EGFR: variants seen among roughly 807,000 people sequenced by gnomAD.
The protein encoded by EGFR is avian erythroblastic leukemia viral (v-erb-b) oncogene homolog.
Under a neutral mutation model 143.0 loss-of-function variants are expected in EGFR, and 58 were observed. The observed-to-expected ratio is 0.41, with a 90% CI of 0.33 to 0.50. The LOEUF (loss-of-function observed/expected upper bound fraction) is 0.50. EGFR is among the 20% of genes least tolerant of loss of function. The pLI is 0.39. For missense variants in EGFR, 1,307 were observed against 1,579.0 expected (o/e 0.83, Z 2.92); for synonymous variants, 613 against 594.4 (o/e 1.03, Z -0.45).
At chr7:55,022,190 G>A (rs1786611233) in intron 1 of EGFR, among the ~76,000 whole-genome samples, 1 of 152,166 alleles carries the variant, frequency 6.6e-6, no homozygotes, top group Non-Finnish European at 1.5e-5. Context: ...GACTGCTTGA[G>A]GGGTGCTGAG....
chr7:55,187,049 G>A (rs992256175), intron 20 of EGFR, among the ~76,000 whole-genome samples: 3 of 152,224 alleles, frequency 2.0e-5, no homozygotes, highest in Non-Finnish European at 4.4e-5. Flanking sequence ...TGCGGACAGG[G>A]CGTGAAGGCA....
At chr7:55,173,301 C>T (rs1010621260) in intron 17 of EGFR, among the ~76,000 whole-genome samples, 177 bp downstream of exon 17, 5 of 152,194 alleles carry the variant, frequency 3.3e-5, no homozygotes, top group Non-Finnish European at 7.3e-5. Flanking sequence ...TACATCCATC[C>T]GAGGAAATGG....
intron 1 of EGFR, among the ~76,000 whole-genome samples, chr7:55,107,777 C>T: frequency 6.6e-6 from 1 of 152,188 alleles, no homozygotes; most frequent in East Asian, 1.9e-4. Context: ...ATAGAGTTTG[C>T]CCACTCTGCA....
At chr7:55,193,657 C>A (rs1787497921) in intron 22 of EGFR, among the ~76,000 whole-genome samples, 1 of 152,198 alleles carries the variant, frequency 6.6e-6, no homozygotes. Flanking sequence ...ATAAGTTACC[C>A]CAGCCATCTA....
At chr7:55,104,656 G>C (rs1449368025) in intron 1 of EGFR, among the ~76,000 whole-genome samples, 1 of 152,182 alleles carries the variant, frequency 6.6e-6, no homozygotes, top group Non-Finnish European at 1.5e-5. Context: ...AAGTCCCAAA[G>C]CTCTGCCCTG....
At chr7:55,115,091 G>A (rs778086231) in intron 1 of EGFR, among the ~76,000 whole-genome samples, 49 of 151,838 alleles carry the variant, frequency 3.2e-4, no homozygotes, top group African/African-American at 1.1e-3. Flanking sequence ...CCATGGTCTC[G>A]ATCTCCTGAC....
intron 6 of EGFR, 57 bp from the exon 7 acceptor site, chr7:55,153,954 T>C (rs2128934715): frequency 6.2e-7 from 1 of 1,613,270 alleles, no homozygotes; most frequent in East Asian, 2.2e-5. Flanking sequence ...GCTTCCTCCG[T>C]GTGTGGCGCT....
chr7:55,150,613 A>G (rs1035647542), intron 4 of EGFR, among the ~76,000 whole-genome samples: 1 of 152,202 alleles, frequency 6.6e-6, no homozygotes, highest in African/African-American at 2.4e-5. Flanking sequence ...TTCTATATAG[A>G]TATAGCACTT....
chr7:55,181,023 T>C, intron 19 of EGFR: 1 of 568,928 alleles, frequency 1.8e-6, no homozygotes, highest in Non-Finnish European at 3.2e-6. Flanking sequence ...TTATCCAATG[T>C]GCTCCTCATG....
intron 1 of EGFR, among the ~76,000 whole-genome samples, chr7:55,059,308 T>C (rs1185752870): frequency 2.0e-5 from 3 of 152,202 alleles, no homozygotes; most frequent in South Asian, 2.1e-4. Flanking sequence ...TAAACTTCCT[T>C]TTTTGAGCTG....
intron 20 of EGFR, among the ~76,000 whole-genome samples, chr7:55,184,623 T>C (rs1787049961): frequency 6.6e-6 from 1 of 152,376 alleles, no homozygotes; most frequent in Non-Finnish European, 1.5e-5. Flanking sequence ...TAATATTACC[T>C]ACAATTTCAA....
At chr7:55,096,859 G>A (rs182584712) in intron 1 of EGFR, among the ~76,000 whole-genome samples, 2 of 152,274 alleles carry the variant, frequency 1.3e-5, no homozygotes, top group East Asian at 3.9e-4. Flanking sequence ...TGGAGTCATG[G>A]GAGGTGCAGC....
At chr7:55,065,681 C>G (rs1347813494) in intron 1 of EGFR, among the ~76,000 whole-genome samples, 1 of 152,066 alleles carries the variant, frequency 6.6e-6, no homozygotes, top group African/African-American at 2.4e-5. Context: ...TCAAGCGTCC[C>G]CAGAAGGTGT....
At chr7:55,133,122 G>A (rs1329054623) in intron 1 of EGFR, among the ~76,000 whole-genome samples, 1 of 152,226 alleles carries the variant, frequency 6.6e-6, no homozygotes, top group East Asian at 1.9e-4. Flanking sequence ...AAAGGTGTGT[G>A]GACTGGGTGA....
At position 55,128,778 on chromosome 7, in the gene EGFR, G is replaced by A. The variant is rs141077426; in HGVS notation, c.89-13508G>A. Among the ~76,000 whole-genome samples the A allele has an allele frequency of 4.9e-4, 74 of 152,290 alleles. 2 individuals are homozygous for A. The highest frequency in any genetic ancestry group is 1.7e-3 in the African/African-American group (71 of 41,560). ...TATAATTCTATTAAGCTAGTAGGAT[G>A]TGATAGGAAACTAAAACCTAGGGGA... On this transcript the variant is annotated intron_variant, in intron 1 of 27. Coordinates refer to ENST00000275493, the MANE Select transcript of EGFR (RefSeq NM_005228.5).
chr7:55,034,085 T>A (rs958416674), intron 1 of EGFR, among the ~76,000 whole-genome samples: 1 of 152,168 alleles, frequency 6.6e-6, no homozygotes, highest in Non-Finnish European at 1.5e-5. Flanking sequence ...ATCTTCATGG[T>A]TCCCCAGGTG....
chr7:55,153,964 T>C, intron 6 of EGFR, 47 bp from the exon 7 acceptor site: 1 of 1,614,064 alleles, frequency 6.2e-7, no homozygotes, highest in Non-Finnish European at 8.5e-7. Context: ...TGTGTGGCGC[T>C]GAGTGTACTT....
At chr7:55,114,826 A>G (rs995548747) in intron 1 of EGFR, among the ~76,000 whole-genome samples, 1 of 151,372 alleles carries the variant, frequency 6.6e-6, no homozygotes, top group African/African-American at 2.4e-5. Flanking sequence ...AGCTTTTGAG[A>G]GAAGGACATT....
intron 1 of EGFR, among the ~76,000 whole-genome samples, chr7:55,067,521 T>C (rs1306168964): frequency 6.6e-6 from 1 of 151,546 alleles, no homozygotes; most frequent in Non-Finnish European, 1.5e-5. Flanking sequence ...ATTTAAGTTT[T>C]GAATTATGGT....
Sources: gnomAD v4.1 joint callset for allele counts (sites outside exome capture counted in the v4.1 genomes callset) on GRCh38, gnomAD v4.1.1 for gene constraint, MANE v1.5 for transcripts, NCBI Gene and HGNC (gene_info 2026-07-23, HGNC 2026-07-21) for gene names.